The following LNPK variants were observed in gnomAD, a reference collection of about 807,000 sequenced individuals.
The protein encoded by LNPK is lunapark, ER junction formation factor, also known as endoplasmic reticulum junction formation protein lunapark.
In LNPK, 29 loss-of-function variants were observed where a neutral mutation model predicts 55.2. That is an observed-to-expected ratio of 0.53 (90% CI 0.39 to 0.72). LNPK has a LOEUF of 0.72. Among genes scored for constraint, LNPK ranks in the 30% least tolerant of loss-of-function variants. The pLI is 0.00. For missense variants in LNPK, 467 were observed against 494.8 expected, an observed-to-expected ratio of 0.94 and a Z score of 0.53; for synonymous variants, 162 against 168.2, an observed-to-expected ratio of 0.96 and a Z score of 0.29.
chr2:175,979,877 G>A lies in LNPK; in HGVS notation c.258-9C>T, dbSNP rs758878101. 6.4e-7 allele frequency: 1 copy of A among 1,561,810 alleles called. No homozygotes were observed. The highest frequency in any genetic ancestry group is 8.6e-7 in the Non-Finnish European group (1 of 1,158,288). Reference sequence around the variant, plus strand: ...TTCTTATGCTCCAGATGCTAAAAGGGAAGCAAAATTCAGAAACAAAAAACA... The same window carrying A: ...TTCTTATGCTCCAGATGCTAAAAGGAAAGCAAAATTCAGAAACAAAAAACA... On this transcript the variant is annotated splice_polypyrimidine_tract_variant and intron_variant, in intron 4 of 12. Coordinates refer to ENST00000272748, the MANE Select transcript of LNPK (RefSeq NM_030650.3).
chr2:175,959,008 G>A (rs910150909), intron 8 of LNPK, among the ~76,000 whole-genome samples: 1 of 152,136 alleles, frequency 6.6e-6, no homozygotes, highest in African/African-American at 2.4e-5. Flanking sequence ...GAAGCAAGAA[G>A]TTTAGAGAGA....
At chr2:175,951,738 T>C (rs1369210469) in intron 8 of LNPK, among the ~76,000 whole-genome samples, 1 of 151,752 alleles carries the variant, frequency 6.6e-6, no homozygotes, top group Non-Finnish European at 1.5e-5. Context: ...TATTTTCCTC[T>C]GGGTAGAAAC....
rs182647290 is a variant in LNPK, at chr2:175,994,563, C to T, written c.27+995G>A. Among the ~76,000 whole-genome samples, 264 of 152,256 alleles carry T rather than the reference C, an allele frequency of 1.7e-3. 1 individual carries two copies. Among genetic ancestry groups the T allele is most frequent in the Admixed American group, 3.7e-3 (57 of 15,292 alleles). ...CTTGAGACAGAGTCTAGCTCTGTCG[C>T]CCAGGCTGGAGTGCAGTGGCACAAT... On this transcript the variant is annotated intron_variant, in intron 2 of 12. Coordinates refer to ENST00000272748, the MANE Select transcript of LNPK (RefSeq NM_030650.3).
At position 175,938,537 on chromosome 2, in the gene LNPK, A is replaced by G. The variant is rs1684662817; in HGVS notation, c.813-154T>C. 3 of 416,646 alleles carry G rather than the reference A, an allele frequency of 7.2e-6. No homozygotes were observed. In the South Asian group the frequency reaches 2.9e-4, roughly 40 times the overall value. The allele number at this position is 416,646 out of a possible 1,614,324, so 25.8% of individuals were successfully genotyped here. ...ACTTAGTAAACAACAAACAATATTC[A>G]TTAAATAAAAGCCAAAATTAACCAA... On this transcript the variant is annotated intron_variant, in intron 10 of 12. Transcript: ENST00000272748.
intron 4 of LNPK, among the ~76,000 whole-genome samples, chr2:175,988,151 A>G (rs1238071989): frequency 6.6e-6 from 1 of 152,140 alleles, no homozygotes; most frequent in Admixed American, 6.5e-5. Flanking sequence ...AAACAACCAT[A>G]TCATAAGCCC....
intron 9 of LNPK, among the ~76,000 whole-genome samples, chr2:175,944,567 T>G (rs1178653390): frequency 6.6e-6 from 1 of 152,116 alleles, no homozygotes; most frequent in African/African-American, 2.4e-5. Context: ...ATGTTTGCCT[T>G]TGTAAAACAA....
intron 8 of LNPK, 78 bp downstream of exon 8, chr2:175,964,294 C>T: frequency 8.2e-7 from 1 of 1,218,518 alleles, no homozygotes; most frequent in East Asian, 2.3e-5. Context: ...TTTTGCACAC[C>T]TCCAACACAC....
At chr2:175,977,265 G>C (rs1686952182) in intron 5 of LNPK, among the ~76,000 whole-genome samples, 1 of 152,120 alleles carries the variant, frequency 6.6e-6, no homozygotes, top group South Asian at 2.1e-4. Context: ...ATTAATAATA[G>C]CCAGGAGCCA....
intron 4 of LNPK, among the ~76,000 whole-genome samples, chr2:175,980,154 A>G (rs1687103731): frequency 6.6e-6 from 1 of 152,304 alleles, no homozygotes; most frequent in South Asian, 2.1e-4. Context: ...TGCTTTCATC[A>G]GCCTGAAAGG....
chr2:175,958,095 G>A (rs1685789200), intron 8 of LNPK, among the ~76,000 whole-genome samples: 1 of 152,200 alleles, frequency 6.6e-6, no homozygotes, highest in African/African-American at 2.4e-5. Flanking sequence ...GCTCAACCAG[G>A]CCTGCCTGCC....
At chr2:175,967,798 G>A (rs144788946) in intron 6 of LNPK, 17,523 of 956,016 alleles carry the variant, frequency 0.018, 179 homozygotes, top group Non-Finnish European at 0.02. Context: ...CTGTTATTGT[G>A]TAGCCTAAGG....
intron 4 of LNPK, among the ~76,000 whole-genome samples, chr2:175,986,620 T>C (rs987094768): frequency 2.0e-5 from 3 of 152,110 alleles, no homozygotes; most frequent in Admixed American, 6.5e-5. Flanking sequence ...CAGAAATTTT[T>C]CCTGGAATTC....
intron 12 of LNPK, among the ~76,000 whole-genome samples, chr2:175,931,862 G>A (rs768238237): frequency 1.3e-5 from 2 of 152,116 alleles, no homozygotes; most frequent in Admixed American, 6.6e-5. Context: ...CAAGTTATCC[G>A]TGGAAAACTT....
chr2:175,977,433 C>G (rs1019809610), intron 5 of LNPK, among the ~76,000 whole-genome samples: 7 of 151,760 alleles, frequency 4.6e-5, no homozygotes, highest in African/African-American at 1.7e-4. Context: ...ACAGCACAGA[C>G]CCAAACAAGT....
At chr2:175,964,646 T>TACAA in intron 6 of LNPK, 57 bp from the exon 7 acceptor site, 3 of 893,510 alleles carry the variant, frequency 3.4e-6, no homozygotes, top group Non-Finnish European at 3.8e-6. Flanking sequence ...TACTTATTTG[T>TACAA]ATAAGTCCTA....
intron 4 of LNPK, among the ~76,000 whole-genome samples, chr2:175,980,779 C>T (rs960287606): frequency 3.3e-5 from 5 of 151,940 alleles, no homozygotes; most frequent in East Asian, 3.9e-4. Flanking sequence ...TGATGGCACA[C>T]GCCTGTAGTC....
intron 6 of LNPK, chr2:175,967,549 T>A (rs1263695846): frequency 1.6e-6 from 1 of 643,780 alleles, no homozygotes; most frequent in Non-Finnish European, 1.9e-6. Context: ...ATTCCAGATG[T>A]AAGAAAACTT....
chr2:175,995,678 G>C, intron 1 of LNPK, 32 bp from the exon 2 acceptor site: 1 of 1,064,164 alleles, frequency 9.4e-7, no homozygotes, highest in Non-Finnish European at 1.5e-6. Flanking sequence ...AAAATGTTAA[G>C]TTAAACACAC....
chr2:176,002,405 T>A (rs527995204), upstream of LNPK: 1 of 347,608 alleles, frequency 2.9e-6, no homozygotes, highest in Non-Finnish European at 5.6e-6. Context: ...GCCGGGAGGT[T>A]AGGATCTTGT....
Sources: allele counts gnomAD v4.1 joint callset (sites outside exome capture counted in the v4.1 genomes callset), GRCh38; gene constraint gnomAD v4.1.1; transcripts MANE v1.5; gene names NCBI Gene and HGNC (gene_info 2026-07-23, HGNC 2026-07-21).